Variants in PCDHGA5 observed in about 807,000 individuals in gnomAD.
PCDHGA5 encodes protocadherin gamma subfamily A, 5, also known as protocadherin gamma-A5.
In PCDHGA5, 36 loss-of-function variants were observed where a neutral mutation model predicts 56.7. The observed-to-expected ratio is 0.64, with a 90% CI of 0.49 to 0.84. The LOEUF is 0.84. Among genes scored for constraint, PCDHGA5 ranks in the 40% least tolerant of loss-of-function variants. The pLI is 0.00. For missense variants in PCDHGA5, 1,305 were observed against 1,201.5 expected (o/e 1.09, Z -1.27); for synonymous variants, 563 against 520.2 (o/e 1.08, Z -1.12).
chr5:141,387,740 C>T lies in PCDHGA5; in HGVS notation c.2421+20989C>T, dbSNP rs952205441. The T allele has an allele frequency of 3.8e-6, 5 of 1,328,736 alleles. No individual in the cohort carries two copies. In the African/African-American group the frequency reaches 5.9e-5, roughly 16 times the overall value. The allele number at this position is 1,328,736 out of a possible 1,614,324, so 82.3% of individuals were successfully genotyped here. ...GACTCCCCAGCGCCAGCCTTTACAC[C>T]GCTTCCTCCTCGGAAAAAGAAGAAT... On this transcript the variant is annotated intron_variant, in intron 1 of 3. Coordinates refer to ENST00000518069, the MANE Select transcript of PCDHGA5 (RefSeq NM_018918.3).
At chr5:141,384,904 C>G (rs1780643857) in intron 1 of PCDHGA5, 1 of 1,613,886 alleles carries the variant, frequency 6.2e-7, no homozygotes, top group Admixed American at 1.7e-5. Context: ...TGACAGCATC[C>G]CCGAAGTCTT....
intron 1 of PCDHGA5, among the ~76,000 whole-genome samples, chr5:141,472,980 C>CAAAAA (rs60579131): frequency 1.7e-4 from 15 of 86,092 alleles, no homozygotes; most frequent in East Asian, 4.1e-4. Context: ...GAGTGAAACT[C>CAAAAA]AAAAAAAAAA....
Position 141,477,545 on chromosome 5 carries a change from C to T in PCDHGA5, c.2422-17262C>T. The T allele has an allele frequency of 6.2e-7, 1 of 1,614,194 alleles. No individual in the cohort carries two copies. Among genetic ancestry groups the T allele is most frequent in the South Asian group, 1.1e-5 (1 of 91,086 alleles). On this transcript the variant is annotated intron_variant, in intron 1 of 3. Coordinates refer to ENST00000518069, the MANE Select transcript of PCDHGA5 (RefSeq NM_018918.3). The surrounding 1 kb of genome is among the most constrained non-coding windows in gnomAD (Gnocchi z 4.9). ...AAACAACCTCCCCGGGGCTCCAATA[C>T]TAAACCTAAGTGTCTGGGACCCCGA...
intron 1 of PCDHGA5, chr5:141,375,222 G>T: frequency 6.2e-7 from 1 of 1,613,926 alleles, no homozygotes; most frequent in Non-Finnish European, 8.5e-7. Flanking sequence ...GGCCTGAATG[G>T]CCTGGTAACC....
In PCDHGA5 at chr5:141,438,615, TATATATATATATATATATATACACAC is replaced by T. The variant is rs1337184558; in HGVS notation, c.2422-56190_2422-56165del. ...ACATATATATATATATATATATATATATATATATATATATATATATACACACACACACACACATATATGTATATATA... is the reference window on the plus strand; with the variant it reads ...ACATATATATATATATATATATATATACACACACACATATATGTATATATA... On this transcript the variant is annotated intron_variant, in intron 1 of 3. Coordinates refer to ENST00000518069, the MANE Select transcript of PCDHGA5 (RefSeq NM_018918.3). 3.6e-3 allele frequency among the ~76,000 whole-genome samples: 130 copies of T among 35,912 alleles called. 2 individuals are homozygous for T. Among genetic ancestry groups the T allele is most frequent in the African/African-American group, 0.022 (107 of 4,918 alleles). The allele number at this position is 35,912 out of a possible 152,430, so 23.6% of individuals were successfully genotyped here.
At chr5:141,457,537 T>A (rs967428207) in intron 1 of PCDHGA5, among the ~76,000 whole-genome samples, 2 of 152,228 alleles carry the variant, frequency 1.3e-5, no homozygotes, top group Admixed American at 6.5e-5. Flanking sequence ...TAGGGTTTAA[T>A]GACAAATGTA....
rs377061064 is a variant in PCDHGA5, at chr5:141,505,429, C to A, written c.2517C>A (p.Asn839Lys). 1.2e-6 allele frequency: 2 copies of A among 1,614,116 alleles called. No homozygotes were observed. Among genetic ancestry groups the A allele is most frequent in the African/African-American group, 1.3e-5 (1 of 74,938 alleles). Residue 839 changes from asparagine (N) to lysine (K), a missense_variant, in exon 3 of 4, where the codon AAC becomes AAA. Asn to Lys is a moderately conservative substitution (Grantham distance 94, BLOSUM62 0). Coordinates refer to ENST00000518069, the MANE Select transcript of PCDHGA5 (RefSeq NM_018918.3). ...QNGDDTGTWP[N>K]NQFDTEMLQA... ...GCGATGACACCGGCACCTGGCCCAA[C>A]AACCAGTTTGACACAGAGATGCTGC...
intron 1 of PCDHGA5, among the ~76,000 whole-genome samples, chr5:141,435,696 A>G (rs932132128): frequency 1.3e-5 from 2 of 152,204 alleles, no homozygotes; most frequent in East Asian, 1.9e-4. Context: ...TGCTTATTGT[A>G]GAGTGGTTAC....
At chr5:141,409,201 AATC>A (rs1377420843) in intron 1 of PCDHGA5, 1 of 1,614,044 alleles carries the variant, frequency 6.2e-7, no homozygotes, top group Non-Finnish European at 8.5e-7. Context: ...AGTGTAAAGT[AATC>A]ATAGAAATCC....
chr5:141,414,556 T>G, intron 1 of PCDHGA5: 2 of 1,613,990 alleles, frequency 1.2e-6, no homozygotes, highest in Non-Finnish European at 1.7e-6. Flanking sequence ...TCAAGTCTCC[T>G]ACTTTACCTA....
At chr5:141,481,762 GC>G (rs1307001837) in intron 1 of PCDHGA5, among the ~76,000 whole-genome samples, 1 of 152,126 alleles carries the variant, frequency 6.6e-6, no homozygotes, top group Admixed American at 6.5e-5. Context: ...GACCAGCCTG[GC>G]CAACATGGTG....
chr5:141,407,989 T>G, intron 1 of PCDHGA5: 1 of 833,618 alleles, frequency 1.2e-6, no homozygotes, highest in Non-Finnish European at 1.8e-6. Flanking sequence ...TCCGTCAGCC[T>G]CTGGCCTGGG....
intron 1 of PCDHGA5, among the ~76,000 whole-genome samples, chr5:141,437,976 T>G (rs1182220385): frequency 1.3e-5 from 2 of 152,096 alleles, no homozygotes; most frequent in Non-Finnish European, 2.9e-5. Flanking sequence ...GATCTTGGGA[T>G]GCACCCACCC....
intron 1 of PCDHGA5, chr5:141,421,280 G>A (rs564480755): frequency 1.2e-6 from 2 of 1,612,948 alleles, no homozygotes; most frequent in South Asian, 2.2e-5. Context: ...CTGCTGCTGT[G>A]CATTTTCCTG....
chr5:141,497,385 C>T (rs2154592097), intron 2 of PCDHGA5, among the ~76,000 whole-genome samples: 1 of 152,212 alleles, frequency 6.6e-6, no homozygotes, highest in African/African-American at 2.4e-5. Flanking sequence ...GGGGTGAGCA[C>T]CTTACCCCTG....
intron 1 of PCDHGA5, chr5:141,403,395 C>T (rs758295115): frequency 3.7e-6 from 6 of 1,614,084 alleles, no homozygotes; most frequent in Admixed American, 3.3e-5. Context: ...ATCGCGGTTC[C>T]TGGAGCACGT....
chr5:141,499,174 C>T (rs930279867), intron 2 of PCDHGA5, among the ~76,000 whole-genome samples: 20 of 152,198 alleles, frequency 1.3e-4, no homozygotes, highest in Middle Eastern at 3.4e-3. Flanking sequence ...AGCTCTGAGC[C>T]CAGCAAACCA....
chr5:141,421,207 A>G (rs1318794693), intron 1 of PCDHGA5: 3 of 1,533,934 alleles, frequency 2.0e-6, no homozygotes, highest in Non-Finnish European at 2.6e-6. Context: ...GAAACCGCGG[A>G]ATATCGGCTT....
At chr5:141,398,936 AC>A in intron 1 of PCDHGA5, 1 of 1,613,962 alleles carries the variant, frequency 6.2e-7, no homozygotes, top group East Asian at 2.2e-5. Context: ...ACTGACCAAG[AC>A]GAGGGCATCA....
Sources: gnomAD v4.1 joint callset for allele counts (sites outside exome capture counted in the v4.1 genomes callset) on GRCh38, gnomAD v4.1.1 for gene constraint, Gnocchi (gnomAD v3.1) non-coding constraint, MANE v1.5 for transcripts, NCBI Gene and HGNC (gene_info 2026-07-23, HGNC 2026-07-21) for gene names.